ITSN1: variants seen among roughly 807,000 people sequenced by gnomAD.
ITSN1 encodes intersectin 1, also known as intersectin-1.
ITSN1 carries 58 observed loss-of-function variants against 239.8 expected under a neutral mutation model. The observed-to-expected ratio is 0.24, with a 90% CI of 0.20 to 0.30. ITSN1 has a LOEUF of 0.30. Ranked by LOEUF, ITSN1 falls within the 10% of genes least tolerant of loss-of-function variation. The probability of loss-of-function intolerance (pLI) is 1.00; values close to 1 mark genes in which losing one functional copy is unlikely to be tolerated. For missense variants in ITSN1, 1,558 were observed against 2,103.3 expected, an observed-to-expected ratio of 0.74 and a Z score of 5.07; for synonymous variants, 780 against 770.8, an observed-to-expected ratio of 1.01 and a Z score of -0.20.
intron 26 of ITSN1, among the ~76,000 whole-genome samples, chr21:33,827,210 G>A (rs1252781119): frequency 6.6e-6 from 1 of 152,030 alleles, no homozygotes; most frequent in African/African-American, 2.4e-5. Context: ...GACCAGCCTG[G>A]CCAACAGGGG....
At chr21:33,777,403 T>A (rs1361434094) in intron 14 of ITSN1, among the ~76,000 whole-genome samples, 1 of 152,202 alleles carries the variant, frequency 6.6e-6, no homozygotes, top group Middle Eastern at 3.2e-3. Flanking sequence ...GTTATTGTTC[T>A]TTTTAGAATT....
chr21:33,702,301 G>A (rs1355800305), intron 1 of ITSN1, among the ~76,000 whole-genome samples: 1 of 151,882 alleles, frequency 6.6e-6, no homozygotes, highest in Non-Finnish European at 1.5e-5. Context: ...ATTTTTAGTA[G>A]AGATGGGGTT....
intron 5 of ITSN1, among the ~76,000 whole-genome samples, chr21:33,745,821 A>G (rs1158956012): frequency 1.3e-5 from 2 of 152,240 alleles, no homozygotes; most frequent in African/African-American, 4.8e-5. Context: ...GGCTATGCAC[A>G]TGTGTCGCGG....
rs565415143 is a variant in ITSN1, at chr21:33,726,998, A to G, written c.185+4347A>G. 7.2e-5 allele frequency among the ~76,000 whole-genome samples: 11 copies of G among 152,296 alleles called. No individual in the cohort carries two copies. The South Asian group carries it at 2.3e-3, about 32-fold the overall frequency. On this transcript the variant is annotated intron_variant, in intron 4 of 39. Coordinates refer to ENST00000381318, the MANE Select transcript of ITSN1 (RefSeq NM_003024.3). ...TGTAGAAACTATATTCCAGTTAACT[A>G]ATTTGTTAACTTTCAACTGTAATCT...
At chr21:33,860,944 T>C (rs1980401540) in intron 31 of ITSN1, among the ~76,000 whole-genome samples, 1 of 149,910 alleles carries the variant, frequency 6.7e-6, no homozygotes, top group Admixed American at 6.6e-5. Flanking sequence ...AGGGGGCTGA[T>C]GTGTACAGGG....
intron 1 of ITSN1, among the ~76,000 whole-genome samples, chr21:33,703,078 T>C (rs1601728240): frequency 7.7e-6 from 1 of 130,422 alleles, no homozygotes; most frequent in African/African-American, 3.2e-5. Flanking sequence ...TGAGCGAGAC[T>C]CTGTCTGTGT....
At chr21:33,713,103 C>T (rs928802570) in intron 1 of ITSN1, among the ~76,000 whole-genome samples, 23 of 152,128 alleles carry the variant, frequency 1.5e-4, no homozygotes, top group Admixed American at 8.5e-4. Flanking sequence ...GTCACGAACT[C>T]CTGACCTCAA....
At chr21:33,719,745 GT>G (rs1328922444) in intron 2 of ITSN1, among the ~76,000 whole-genome samples, 1 of 151,988 alleles carries the variant, frequency 6.6e-6, no homozygotes, top group African/African-American at 2.4e-5. Context: ...ATTTTTGTTT[GT>G]TTTACTTCAG....
In ITSN1 at chr21:33,802,428, A is replaced by G; in HGVS notation, c.2305-2A>G. 1 of 1,613,102 alleles carries G rather than the reference A, an allele frequency of 6.2e-7. No homozygotes were observed. Among genetic ancestry groups the G allele is most frequent in the Non-Finnish European group, 8.5e-7 (1 of 1,179,426 alleles). ...TTTCAAACCTTTGCTTTCCTGGTGGAGGTTAAAGGGGAATGGGTAAGTGTT... is the reference window on the plus strand; with the variant it reads ...TTTCAAACCTTTGCTTTCCTGGTGGGGGTTAAAGGGGAATGGGTAAGTGTT... On this transcript the variant is annotated splice_acceptor_variant, in intron 19 of 39. Coordinates refer to ENST00000381318, the MANE Select transcript of ITSN1 (RefSeq NM_003024.3). LOFTEE classifies it high-confidence loss of function.
Position 33,797,621 on chromosome 21 carries a change from A to G in ITSN1, c.2182+13A>G, listed in dbSNP as rs201345762. The G allele has an allele frequency of 1.0e-5, 16 of 1,603,278 alleles. No individual in the cohort carries two copies. The highest frequency in any genetic ancestry group is 4.0e-5 in the African/African-American group (3 of 74,606). The stretch of plus-strand genomic sequence containing the variant: ...TGGTCCACTGCAGGTATTAGAAGCC[A>G]AAAATAATTATAGAAAATAAGTCAT... On this transcript the variant is annotated intron_variant, in intron 18 of 39. Coordinates refer to ENST00000381318, the MANE Select transcript of ITSN1 (RefSeq NM_003024.3). The surrounding 1 kb of genome is among the most constrained non-coding windows in gnomAD (Gnocchi z 4.9).
rs2069206678 is a variant in ITSN1 at position 33,772,062 on chromosome 21, A to G, written c.1044A>G (p.Val348=). Residue 348 remains valine (V), a splice_region_variant and synonymous_variant, in exon 12 of 40, where the codon GTA becomes GTG. Coordinates refer to ENST00000381318, the MANE Select transcript of ITSN1 (RefSeq NM_003024.3). ...AGTTGCTGTGTTCCTTGTCTGAAGT[A>G]ACGTTTGAAGATAAGAAGCGGGAGA... ...EQQQLEKKLP[V]TFEDKKRENF... 1.2e-6 allele frequency: 2 copies of G among 1,613,820 alleles called. No homozygotes were observed. The highest frequency in any genetic ancestry group is 2.7e-5 in the African/African-American group (2 of 74,912).
rs1313075504 is a variant in ITSN1 at position 33,890,115 on chromosome 21, TAA to T, written c.*1816_*1817del. On this transcript the variant is annotated 3_prime_UTR_variant, in exon 40 of 40. Coordinates refer to ENST00000381318, the MANE Select transcript of ITSN1 (RefSeq NM_003024.3). ...AGCAGAAAACATGGTTAAAATACTT[TAA>T]GTTTATATTTTTTGATGTTGTTAAG... 2.0e-5 allele frequency: 3 copies of T among 152,270 alleles called. No homozygotes were observed. Among genetic ancestry groups the T allele is most frequent in the Non-Finnish European group, 4.4e-5 (3 of 68,052 alleles). 9.4% of individuals were successfully genotyped at this position (152,270 alleles called of 1,614,324 possible).
At chr21:33,721,332 C>G (rs1168463803) in intron 3 of ITSN1, 62 bp downstream of exon 3, 2 of 1,083,612 alleles carry the variant, frequency 1.8e-6, no homozygotes, top group African/African-American at 1.5e-5. Context: ...TGTGGAAACT[C>G]TATCATGCAA....
At chr21:33,850,492 G>A (rs2075126346) in intron 29 of ITSN1, among the ~76,000 whole-genome samples, 1 of 152,222 alleles carries the variant, frequency 6.6e-6, no homozygotes, top group Admixed American at 6.5e-5. Flanking sequence ...ACCGCTTGGA[G>A]TGATGCCCTG....
chr21:33,743,721 T>C (rs1000874158), intron 5 of ITSN1, among the ~76,000 whole-genome samples: 2 of 152,160 alleles, frequency 1.3e-5, no homozygotes, highest in Admixed American at 1.3e-4. Context: ...TATATTCTAG[T>C]TAAAGGAGAA....
intron 4 of ITSN1, among the ~76,000 whole-genome samples, chr21:33,728,841 A>G (rs930487312): frequency 2.8e-4 from 43 of 152,204 alleles, no homozygotes; most frequent in African/African-American, 9.6e-4. Flanking sequence ...TGTCTTTTTC[A>G]TAGATATAAC....
At chr21:33,646,583 A>C (rs2087975189) in intron 1 of ITSN1, among the ~76,000 whole-genome samples, 1 of 152,186 alleles carries the variant, frequency 6.6e-6, no homozygotes, top group Admixed American at 6.5e-5. Flanking sequence ...GTGTTTGACC[A>C]CACATAGTCA....
At chr21:33,671,715 T>C (rs780568815) in intron 1 of ITSN1, among the ~76,000 whole-genome samples, 8 of 151,708 alleles carry the variant, frequency 5.3e-5, no homozygotes, top group Non-Finnish European at 1.0e-4. Flanking sequence ...GGCAGGAGAA[T>C]TGCTTGAGTG....
intron 29 of ITSN1, among the ~76,000 whole-genome samples, chr21:33,841,025 A>C (rs2074804602): frequency 6.6e-6 from 1 of 152,204 alleles, no homozygotes; most frequent in East Asian, 1.9e-4. Context: ...ATGGTGGTTG[A>C]GTTCCCCAAG....
Sources: gnomAD v4.1 joint callset for allele counts (sites outside exome capture counted in the v4.1 genomes callset) on GRCh38, gnomAD v4.1.1 for gene constraint, Gnocchi (gnomAD v3.1) non-coding constraint, MANE v1.5 for transcripts, NCBI Gene and HGNC (gene_info 2026-07-23, HGNC 2026-07-21) for gene names.